GALNT18: variants seen among roughly 807,000 people sequenced by gnomAD.
GALNT18 encodes polypeptide N-acetylgalactosaminyltransferase 18, also known as GalNAc-transferase 18.
Under a neutral mutation model 69.5 loss-of-function variants are expected in GALNT18, and 44 were observed. That is an observed-to-expected ratio of 0.63 (90% confidence interval 0.50 to 0.81). The LOEUF is 0.81. GALNT18 is among the 40% of genes least tolerant of loss of function. GALNT18 has a pLI of 0.00. For synonymous variants in GALNT18, 364 were observed against 318.2 expected (o/e 1.14, Z -1.53); for missense variants, 715 against 810.0 (o/e 0.88, Z 1.42).
chr11:11,561,562 G>A (rs1858507642), intron 1 of GALNT18, among the ~76,000 whole-genome samples: 1 of 152,186 alleles, frequency 6.6e-6, no homozygotes, highest in East Asian at 1.9e-4. Flanking sequence ...GCCTAGCAGA[G>A]TCAGCTAAAA....
intron 1 of GALNT18, among the ~76,000 whole-genome samples, chr11:11,558,446 A>T (rs1443227288): frequency 6.6e-6 from 1 of 152,264 alleles, no homozygotes; most frequent in Non-Finnish European, 1.5e-5. Flanking sequence ...TGTGCAAGGT[A>T]TCAGGCAGGG....
rs947535088 is a variant in GALNT18, at chr11:11,604,901, C to T, written c.235+16458G>A. 6.6e-6 allele frequency among the ~76,000 whole-genome samples: 1 copy of T among 152,106 alleles called. No homozygotes were observed. Among genetic ancestry groups the T allele is most frequent in the Admixed American group, 6.5e-5 (1 of 15,274 alleles). ...AAAGGAAAATAAAATCACTGCTCTC[C>T]TCGGTTGACCCACTGGCTATTGCTC... On this transcript the variant is annotated intron_variant, in intron 1 of 10. Coordinates refer to ENST00000227756, the MANE Select transcript of GALNT18 (RefSeq NM_198516.3). This position sits in a 1 kb window ranked among gnomAD's most constrained non-coding sequence, Gnocchi z 5.6.
At position 11,461,723 on chromosome 11, in the gene GALNT18, C is replaced by T. The variant is rs1267189851; in HGVS notation, c.236-12787G>A. Among the ~76,000 whole-genome samples, 1 of 152,194 alleles carries T rather than the reference C, an allele frequency of 6.6e-6. No homozygotes were observed. Among genetic ancestry groups the T allele is most frequent in the Non-Finnish European group, 1.5e-5 (1 of 68,030 alleles). On this transcript the variant is annotated intron_variant, in intron 1 of 10. Transcript: ENST00000227756. The surrounding 1 kb of genome is among the most constrained non-coding windows in gnomAD (Gnocchi z 4.1). Reference sequence around the variant, plus strand: ...ACCCTGCTAATGTTAAAGAGGCATGCTTCCCTGACACAGACACACGGATGG... The same window carrying T: ...ACCCTGCTAATGTTAAAGAGGCATGTTTCCCTGACACAGACACACGGATGG...
chr11:11,312,117 T>C (rs1326238191), intron 9 of GALNT18, among the ~76,000 whole-genome samples: 1 of 150,458 alleles, frequency 6.6e-6, no homozygotes, highest in Non-Finnish European at 1.5e-5. Context: ...CCACCATGCC[T>C]GGCTAATTTT....
At chr11:11,286,492 CTTTTT>C (rs58774538) in intron 10 of GALNT18, among the ~76,000 whole-genome samples, 2 of 150,562 alleles carry the variant, frequency 1.3e-5, no homozygotes, top group African/African-American at 4.9e-5. Flanking sequence ...TGTTAGATGA[CTTTTT>C]TTTTTCTCCA....
At position 11,619,398 on chromosome 11, in the gene GALNT18, G is replaced by T. The variant is rs1218625700; in HGVS notation, c.235+1961C>A. The stretch of plus-strand genomic sequence containing the variant: ...AGTTTCCGGGGAGAAAAATCACAAT[G>T]CTTCCTTTCAACTTCAACATCATGC... On this transcript the variant is annotated intron_variant, in intron 1 of 10. Transcript: ENST00000227756. This position sits in a 1 kb window ranked among gnomAD's most constrained non-coding sequence, Gnocchi z 4.9. Among the ~76,000 whole-genome samples, 1 of 152,116 alleles carries T rather than the reference G, an allele frequency of 6.6e-6. No homozygotes were observed. The highest frequency in any genetic ancestry group is 6.5e-5 in the Admixed American group (1 of 15,286).
chr11:11,441,125 A>G (rs1385089690), intron 2 of GALNT18, among the ~76,000 whole-genome samples: 2 of 152,252 alleles, frequency 1.3e-5, no homozygotes, highest in African/African-American at 4.8e-5. Context: ...GCAGAGTAGA[A>G]CAAAGCTATC....
chr11:11,285,263 C>A (rs1245486329), intron 10 of GALNT18, among the ~76,000 whole-genome samples: 1 of 152,124 alleles, frequency 6.6e-6, no homozygotes, highest in East Asian at 1.9e-4. Context: ...GCAGGATTCC[C>A]AGATCTGATT....
At chr11:11,343,877 T>C (rs1850253730) in intron 6 of GALNT18, among the ~76,000 whole-genome samples, 1 of 152,142 alleles carries the variant, frequency 6.6e-6, no homozygotes, top group Non-Finnish European at 1.5e-5. Flanking sequence ...GTGCGGCTCC[T>C]CCCATCGTGC....
At chr11:11,531,950 C>T (rs1857659869) in intron 1 of GALNT18, among the ~76,000 whole-genome samples, 1 of 152,212 alleles carries the variant, frequency 6.6e-6, no homozygotes, top group Non-Finnish European at 1.5e-5. Context: ...GTACTATACA[C>T]CGCAGTCTCT....
intron 6 of GALNT18, among the ~76,000 whole-genome samples, chr11:11,371,047 C>A (rs1176049755): frequency 6.6e-6 from 1 of 152,172 alleles, no homozygotes; most frequent in Non-Finnish European, 1.5e-5. Flanking sequence ...ACATTAGCTC[C>A]CCAATAAGCC....
chr11:11,284,469 GACC>G (rs1405349431), intron 10 of GALNT18, among the ~76,000 whole-genome samples: 1 of 152,146 alleles, frequency 6.6e-6, no homozygotes, highest in Non-Finnish European at 1.5e-5. Flanking sequence ...CACACTTTGA[GACC>G]ACAAGCTATG....
In GALNT18 at chr11:11,605,370, T is replaced by C. The variant is rs1463067886; in HGVS notation, c.235+15989A>G. Among the ~76,000 whole-genome samples the C allele has an allele frequency of 2.0e-5, 3 of 152,008 alleles. No homozygotes were observed. Among genetic ancestry groups the C allele is most frequent in the African/African-American group, 7.2e-5 (3 of 41,416 alleles). ...TCCGGGTTGCCCTCTCTCAGCTCCC[T>C]CTCCTCACTGCAGACCTTTCCCGAC... On this transcript the variant is annotated intron_variant, in intron 1 of 10. Transcript: ENST00000227756. The surrounding 1 kb of genome is among the most constrained non-coding windows in gnomAD (Gnocchi z 4.7).
chr11:11,478,519 A>C (rs4910356), intron 1 of GALNT18, among the ~76,000 whole-genome samples: 106,229 of 152,132 alleles, frequency 0.7, 38,700 homozygotes, highest in East Asian at 0.92. Context: ...GCACCGAGGC[A>C]GGCCTGAGCA....
chr11:11,310,246 A>G (rs1849646775), intron 9 of GALNT18, among the ~76,000 whole-genome samples: 1 of 152,228 alleles, frequency 6.6e-6, no homozygotes, highest in Non-Finnish European at 1.5e-5. Flanking sequence ...GACAGGGTGA[A>G]CTTTGCCACC....
intron 6 of GALNT18, among the ~76,000 whole-genome samples, chr11:11,364,317 T>C (rs898632398): frequency 3.3e-5 from 5 of 152,168 alleles, no homozygotes; most frequent in Admixed American, 1.3e-4. Flanking sequence ...GCATCACAAA[T>C]GGGAACACAA....
rs535447092 is a variant in GALNT18 at position 11,602,882 on chromosome 11, G to T, written c.235+18477C>A. 2.6e-5 allele frequency among the ~76,000 whole-genome samples: 4 copies of T among 152,328 alleles called. No individual in the cohort carries two copies. Among genetic ancestry groups the T allele is most frequent in the Non-Finnish European group, 5.9e-5 (4 of 68,030 alleles). Reference sequence around the variant, plus strand: ...GTGTATGGTCTGGCAAGAGCTTTGTGCTGCTTCCAGGTACAGGAGTCAAAA... The same window carrying T: ...GTGTATGGTCTGGCAAGAGCTTTGTTCTGCTTCCAGGTACAGGAGTCAAAA... On this transcript the variant is annotated intron_variant, in intron 1 of 10. Coordinates refer to ENST00000227756, the MANE Select transcript of GALNT18 (RefSeq NM_198516.3). The surrounding 1 kb of genome is among the most constrained non-coding windows in gnomAD (Gnocchi z 4.7).
At chr11:11,484,570 G>T (rs1294664152) in intron 1 of GALNT18, among the ~76,000 whole-genome samples, 3 of 112,358 alleles carry the variant, frequency 2.7e-5, no homozygotes, top group Admixed American at 2.0e-4. Context: ...TCCAGCCTGG[G>T]CAAAAAGAGC....
In GALNT18 at chr11:11,271,278, G is replaced by A; in HGVS notation, c.1690C>T (p.Gln564Ter). ...HWQFSQGGPIQNRKSKRCLEL... is the reference protein window; with the variant it reads ...HWQFSQGGPI Reference sequence around the variant, plus strand: ...AGACAGCGCTTAGACTTGCGGTTCTGGATGGGTCCTCCCTAGGGGCCAGGG... The same window carrying A: ...AGACAGCGCTTAGACTTGCGGTTCTAGATGGGTCCTCCCTAGGGGCCAGGG... The change falls in exon 11 of 11, where the codon CAG (glutamine) becomes TAG (stop). Residue 564 changes from glutamine to a stop codon, truncating the protein, a stop_gained. Transcript: ENST00000227756. LOFTEE classifies it high-confidence loss of function. 4 of 1,614,020 alleles carry A rather than the reference G, an allele frequency of 2.5e-6. No individual in the cohort carries two copies. Among genetic ancestry groups the A allele is most frequent in the Non-Finnish European group, 2.5e-6 (3 of 1,179,928 alleles).
Sources: allele counts gnomAD v4.1 joint callset (sites outside exome capture counted in the v4.1 genomes callset), GRCh38; gene constraint gnomAD v4.1.1; non-coding constraint Gnocchi (gnomAD v3.1); transcripts MANE v1.5; gene names NCBI Gene and HGNC (gene_info 2026-07-23, HGNC 2026-07-21).